LRP2: variants seen among roughly 807,000 people sequenced by gnomAD.
LRP2 encodes LDL receptor related protein 2, also known as low-density lipoprotein receptor-related protein 2.
LRP2 carries 172 observed loss-of-function variants against 531.0 expected under a neutral mutation model. The observed-to-expected ratio is 0.32, with a 90% CI of 0.29 to 0.37. LRP2 has a LOEUF of 0.37. Among genes scored for constraint, LRP2 ranks in the 10% least tolerant of loss-of-function variants. LRP2 has a pLI of 1.00. For synonymous variants in LRP2, 1,992 were observed against 2,027.6 expected, an observed-to-expected ratio of 0.98 and a Z score of 0.47; for missense variants, 5,167 against 5,868.3, an observed-to-expected ratio of 0.88 and a Z score of 3.90.
At position 169,254,193 on chromosome 2, in the gene LRP2, C is replaced by T. The variant is rs1406731413; in HGVS notation, c.2770+1913G>A. ...ATGCTGCTATAAAGACACATGCACA[C>T]GTATGTTTATTGTGGCACTATTCAC... On this transcript the variant is annotated intron_variant, in intron 19 of 78. Transcript: ENST00000649046. Among the ~76,000 whole-genome samples the T allele has an allele frequency of 4.5e-5, 2 of 44,384 alleles. 1 individual carries two copies. The highest frequency in any genetic ancestry group is 2.9e-4 in the African/African-American group (2 of 6,890). The allele number at this position is 44,384 out of a possible 152,430, so 29.1% of individuals were successfully genotyped here. A position where few individuals can be genotyped will look rare whatever the true frequency, so the allele number is the denominator to read the frequency against.
At chr2:169,344,710 CTT>C in intron 1 of LRP2, among the ~76,000 whole-genome samples, 1 of 152,308 alleles carries the variant, frequency 6.6e-6, no homozygotes, top group Non-Finnish European at 1.5e-5. Context: ...CATTAAGTGA[CTT>C]AATAATAAAA....
rs1329513101 is a variant in LRP2 at position 169,233,565 on chromosome 2, T to C, written c.4944A>G (p.Leu1648=). Residue 1648 remains leucine (L), a synonymous_variant, in exon 30 of 79, where the codon CTA becomes CTG. Coordinates refer to ENST00000649046, the MANE Select transcript of LRP2 (RefSeq NM_004525.3). Reference sequence around the variant, plus strand: ...AGTACACAGAGTCTTCAAAGAGAGTTAGGGCATAGGGGTGCCGTATAATCT... The same window carrying C: ...AGTACACAGAGTCTTCAAAGAGAGTCAGGGCATAGGGGTGCCGTATAATCT... The part of the protein sequence containing the change: ...SDLIIRHPYA[L]TLFEDSVYWT... The C allele has an allele frequency of 3.7e-6, 6 of 1,614,016 alleles. No individual in the cohort carries two copies. The African/African-American group carries it at 8.0e-5, about 22-fold the overall frequency.
chr2:169,261,682 C>T (rs113330254), intron 16 of LRP2, among the ~76,000 whole-genome samples: 1 of 152,098 alleles, frequency 6.6e-6, no homozygotes, highest in Admixed American at 6.6e-5. Flanking sequence ...GGAACTGGTA[C>T]CATTCCTTCT....
chr2:169,245,469 T>G (rs563769665), intron 21 of LRP2, among the ~76,000 whole-genome samples: 1 of 152,194 alleles, frequency 6.6e-6, no homozygotes, highest in Non-Finnish European at 1.5e-5. Context: ...ATTTAAAAAA[T>G]TTCAGAAAAA....
intron 1 of LRP2, among the ~76,000 whole-genome samples, chr2:169,327,239 T>A (rs1297605102): frequency 1.6e-5 from 1 of 61,682 alleles, no homozygotes; most frequent in Non-Finnish European, 3.0e-5. Flanking sequence ...GGTGGGGGGG[T>A]CAGCCCCACG....
chr2:169,194,907 C>T (rs1306896823), intron 46 of LRP2, among the ~76,000 whole-genome samples: 1 of 151,964 alleles, frequency 6.6e-6, no homozygotes, highest in Non-Finnish European at 1.5e-5. Context: ...AGACAGGTTT[C>T]ACCATGTTGG....
In LRP2 at chr2:169,277,755, C is replaced by T; in HGVS notation, c.1762G>A (p.Gly588Arg). 1 of 1,613,940 alleles carries T rather than the reference C, an allele frequency of 6.2e-7. No homozygotes were observed. The highest frequency in any genetic ancestry group is 8.5e-7 in the Non-Finnish European group (1 of 1,179,898). ...AAAAATACTTCTTACCTTTGAATTC[C>T]ATCATAAGTTACAGTTTCAATGTAA... ...FDYIETVTYD[G>R]IQRKTVVHGG... The change falls in exon 13 of 79, where the codon GGA (glycine) becomes AGA (arginine). Residue 588 changes from glycine (G) to arginine (R), a missense_variant. Coordinates refer to ENST00000649046, the MANE Select transcript of LRP2 (RefSeq NM_004525.3).
chr2:169,360,039 C>T (rs911672758), intron 1 of LRP2, among the ~76,000 whole-genome samples: 1 of 149,644 alleles, frequency 6.7e-6, no homozygotes, highest in Non-Finnish European at 1.5e-5. Context: ...GTGTGAGGAT[C>T]GCTTGAACCT....
intron 5 of LRP2, 63 bp downstream of exon 5, chr2:169,294,537 C>A: frequency 8.5e-7 from 1 of 1,171,894 alleles, no homozygotes; most frequent in South Asian, 1.2e-5. Context: ...TACATATTGG[C>A]TCTCTCAAAC....
At chr2:169,274,643 T>C (rs986647344) in intron 14 of LRP2, among the ~76,000 whole-genome samples, 4 of 152,042 alleles carry the variant, frequency 2.6e-5, no homozygotes, top group Admixed American at 2.0e-4. Context: ...CACTTAGACA[T>C]GTCATTTTCT....
intron 59 of LRP2, among the ~76,000 whole-genome samples, chr2:169,170,209 C>T (rs554908219): frequency 7.2e-5 from 11 of 152,310 alleles, no homozygotes; most frequent in South Asian, 4.1e-4. Flanking sequence ...CATAGGAGCA[C>T]ATGCATATTC....
At chr2:169,330,639 G>A (rs921955051) in intron 1 of LRP2, among the ~76,000 whole-genome samples, 1 of 152,114 alleles carries the variant, frequency 6.6e-6, no homozygotes, top group East Asian at 1.9e-4. Flanking sequence ...TTGCAGAACT[G>A]TCCTGGTCAA....
At chr2:169,311,032 G>A (rs1367765178) in intron 3 of LRP2, among the ~76,000 whole-genome samples, 1 of 152,120 alleles carries the variant, frequency 6.6e-6, no homozygotes, top group African/African-American at 2.4e-5. Flanking sequence ...GTATTTCTGA[G>A]GGATTGGTGG....
chr2:169,168,404 T>C (rs1686867480), intron 61 of LRP2, 135 bp downstream of exon 61: 1 of 1,086,256 alleles, frequency 9.2e-7, no homozygotes, highest in Non-Finnish European at 1.4e-6. Flanking sequence ...CCCAGTGAAA[T>C]AACACCAACG....
In LRP2 at chr2:169,162,494, G is replaced by T; in HGVS notation, c.11865C>A (p.Asp3955Glu). ...TACTGCAACCCAGTTCATCGGACCAGTCACCACAGTCATCGGCATCATCAC... is the reference window on the plus strand; with the variant it reads ...TACTGCAACCCAGTTCATCGGACCATTCACCACAGTCATCGGCATCATCAC... ...NVCDDADDCGDWSDELGCNKG... is the reference protein window; with the variant it reads ...NVCDDADDCGEWSDELGCNKG... Residue 3955 changes from aspartate to glutamate, a missense_variant, in exon 63 of 79, where the codon GAC (aspartate) becomes GAA (glutamate). By Grantham distance (45) the Asp-to-Glu change is conservative (BLOSUM62 2). Around this residue, in one of 6 missense-constraint regions of LRP2, gnomAD observed 564 missense variants for 747.7 expected, o/e 0.75. Coordinates refer to ENST00000649046, the MANE Select transcript of LRP2 (RefSeq NM_004525.3). 1 of 1,614,164 alleles carries T rather than the reference G, an allele frequency of 6.2e-7. No homozygotes were observed. The highest frequency in any genetic ancestry group is 8.5e-7 in the Non-Finnish European group (1 of 1,180,020).
chr2:169,265,880 A>C (rs1426189148), intron 16 of LRP2, among the ~76,000 whole-genome samples: 2 of 151,976 alleles, frequency 1.3e-5, no homozygotes. Flanking sequence ...AGAGAAAAAC[A>C]AGTCCCAATT....
chr2:169,308,332 T>A (rs2105494194), intron 3 of LRP2, among the ~76,000 whole-genome samples: 1 of 152,264 alleles, frequency 6.6e-6, no homozygotes, highest in Non-Finnish European at 1.5e-5. Flanking sequence ...CATTAACTAG[T>A]CATTTACGTT....
At chr2:169,341,634 T>A (rs1369454570) in intron 1 of LRP2, among the ~76,000 whole-genome samples, 2 of 152,220 alleles carry the variant, frequency 1.3e-5, no homozygotes, top group African/African-American at 4.8e-5. Flanking sequence ...GTTCTCCTTT[T>A]CCTCTTATTA....
intron 35 of LRP2, among the ~76,000 whole-genome samples, chr2:169,214,465 T>C (rs1271551344): frequency 1.3e-5 from 2 of 152,152 alleles, no homozygotes; most frequent in African/African-American, 2.4e-5. Context: ...AATGTAGATG[T>C]AGCTGGTTTA....
Sources: allele counts gnomAD v4.1 joint callset (sites outside exome capture counted in the v4.1 genomes callset), GRCh38; gene constraint gnomAD v4.1.1; regional missense constraint gnomAD v4.1.1; transcripts MANE v1.5; gene names NCBI Gene and HGNC (gene_info 2026-07-23, HGNC 2026-07-21).